The following HOOK1 variants were observed in gnomAD, a reference collection of about 807,000 sequenced individuals.
The protein encoded by HOOK1 is protein Hook homolog 1.
A neutral mutation model predicts 112.8 loss-of-function variants in HOOK1; 60 were observed. That is an observed-to-expected ratio of 0.53 (90% CI 0.43 to 0.66). The LOEUF (loss-of-function observed/expected upper bound fraction) is 0.66, where lower values mean the gene tolerates loss of function less well. Ranked by LOEUF, HOOK1 falls within the 30% of genes least tolerant of loss-of-function variation. HOOK1 has a pLI of 0.00. For synonymous variants in HOOK1, 294 were observed against 283.8 expected (o/e 1.04, Z -0.36); for missense variants, 770 against 856.0 (o/e 0.90, Z 1.25).
Position 59,832,070 on chromosome 1 carries a change from A to T in HOOK1, c.223-93A>T. 1 of 661,670 alleles carries T rather than the reference A, an allele frequency of 1.5e-6. No homozygotes were observed. Among genetic ancestry groups the T allele is most frequent in the Non-Finnish European group, 2.6e-6 (1 of 386,360 alleles). 41.0% of individuals were successfully genotyped at this position (661,670 alleles called of 1,614,324 possible). A position where few individuals can be genotyped will look rare whatever the true frequency, so the allele number is the denominator to read the frequency against. The stretch of plus-strand genomic sequence containing the variant: ...TTATAATGTTTTTGTTGTTCTTTTT[A>T]ATTAGGGGAAAGTTTTTATTGTCTT... On this transcript the variant is annotated intron_variant, in intron 3 of 21. Coordinates refer to ENST00000371208, the MANE Select transcript of HOOK1 (RefSeq NM_015888.6).
At position 59,843,418 on chromosome 1, in the gene HOOK1, T is replaced by G. The variant is rs1351416407; in HGVS notation, c.622-14T>G. 9.5e-6 allele frequency: 15 copies of G among 1,584,782 alleles called. No homozygotes were observed. Among genetic ancestry groups the G allele is most frequent in the Admixed American group, 3.5e-5 (2 of 56,518 alleles). On this transcript the variant is annotated splice_polypyrimidine_tract_variant and intron_variant, in intron 8 of 21. Coordinates refer to ENST00000371208, the MANE Select transcript of HOOK1 (RefSeq NM_015888.6). ...TTTTCTACTGGTGCTTATGTATGTG[T>G]ATTTGTTTCTTAGGTGACTACACTT...
At chr1:59,849,313 A>C (rs2098405862) in intron 12 of HOOK1, 130 bp downstream of exon 12, 1 of 536,660 alleles carries the variant, frequency 1.9e-6, no homozygotes, top group African/African-American at 2.0e-5. Flanking sequence ...TTGACATAAA[A>C]GTGTCTTGTA....
intron 19 of HOOK1, 146 bp from the exon 20 acceptor site, chr1:59,868,104 T>A: frequency 1.8e-6 from 1 of 568,234 alleles, no homozygotes; most frequent in Non-Finnish European, 3.2e-6. Context: ...TTATCCCAAT[T>A]AGGATTGTAA....
At chr1:59,851,377 A>G (rs957291042) in intron 12 of HOOK1, among the ~76,000 whole-genome samples, 2 of 151,642 alleles carry the variant, frequency 1.3e-5, no homozygotes, top group South Asian at 4.1e-4. Flanking sequence ...AGTGTGCAAG[A>G]CTAGCACCTT....
At position 59,830,924 on chromosome 1, in the gene HOOK1, A is replaced by G. The variant is rs1479278190; in HGVS notation, c.223-1239A>G. ...AGTTTTTTTTTTTTTTTCCTGAGAC[A>G]GAATTTCGCTCTTACGCCCAGCCTG... On this transcript the variant is annotated intron_variant, in intron 3 of 21. Transcript: ENST00000371208. Among the ~76,000 whole-genome samples, 3 of 147,874 alleles carry G rather than the reference A, an allele frequency of 2.0e-5. No individual in the cohort carries two copies. In the Admixed American group the frequency reaches 2.0e-4, roughly 10 times the overall value.
At chr1:59,854,998 G>C (rs753968158) in intron 12 of HOOK1, among the ~76,000 whole-genome samples, 1 of 152,194 alleles carries the variant, frequency 6.6e-6, no homozygotes, top group Non-Finnish European at 1.5e-5. Flanking sequence ...CCTAATGGAC[G>C]ACAACAAGCA....
intron 1 of HOOK1, among the ~76,000 whole-genome samples, chr1:59,819,138 ATTTTTTTTTTTTTTTTT>A (rs60936378): frequency 2.6e-5 from 2 of 76,542 alleles, no homozygotes; most frequent in Non-Finnish European, 4.6e-5. Flanking sequence ...CCCAATAAGC[ATTTTTTTTTTTTTTTTT>A]TTTTTTTTTT....
chr1:59,848,382 C>G lies in HOOK1; in HGVS notation c.997C>G (p.Leu333Val), dbSNP rs568889248. The change falls in exon 11 of 22, where the codon CTG becomes GTG. Residue 333 changes from leucine (L) to valine (V), a missense_variant. By Grantham distance (32) the Leu-to-Val change is conservative. This residue lies in a region of HOOK1 where 655 missense variants were observed against 725.9 expected (regional missense o/e 0.90). Transcript: ENST00000371208. ...VEIYRQKLQD[L>V]NDLRKQVKTL... is the part of the protein sequence containing the mutation. ...GATATATCGTCAGAAGCTACAAGAT[C>G]TGAATGACCTTCGCAAGCAGGTGAA... 1 of 1,611,314 alleles carries G rather than the reference C, an allele frequency of 6.2e-7. No homozygotes were observed. The highest frequency in any genetic ancestry group is 8.5e-7 in the Non-Finnish European group (1 of 1,178,122).
chr1:59,835,544 T>G, intron 6 of HOOK1, 132 bp downstream of exon 6: 1 of 580,006 alleles, frequency 1.7e-6, no homozygotes, highest in Non-Finnish European at 3.1e-6. Context: ...CTAGTGGGTC[T>G]TCCTTTTTTA....
chr1:59,827,023 C>A (rs571197260), intron 2 of HOOK1, among the ~76,000 whole-genome samples: 2 of 152,162 alleles, frequency 1.3e-5, no homozygotes, highest in African/African-American at 4.8e-5. Flanking sequence ...CCTCGGCCCC[C>A]CAAAGCGCTG....
At chr1:59,822,249 TTAA>T (rs764213619) in intron 2 of HOOK1, among the ~76,000 whole-genome samples, 4 of 152,238 alleles carry the variant, frequency 2.6e-5, no homozygotes, top group Non-Finnish European at 5.9e-5. Flanking sequence ...AAGAAACAAG[TTAA>T]TGATACAATT....
intron 1 of HOOK1, among the ~76,000 whole-genome samples, chr1:59,820,334 C>T (rs1275062566): frequency 3.9e-5 from 6 of 152,174 alleles, no homozygotes; most frequent in Non-Finnish European, 7.3e-5. Flanking sequence ...AGAAACTACT[C>T]TACTGTTTCT....
At chr1:59,852,677 G>GGAACACAAATAAT (rs1553463645) in intron 12 of HOOK1, among the ~76,000 whole-genome samples, 2 of 150,946 alleles carry the variant, frequency 1.3e-5, no homozygotes, top group African/African-American at 4.9e-5. Context: ...CATTGGTAAA[G>GGAACACAAATAAT]GAACACAAAT....
chr1:59,842,198 G>C (rs2098401380), intron 8 of HOOK1, among the ~76,000 whole-genome samples: 1 of 152,046 alleles, frequency 6.6e-6, no homozygotes, highest in Admixed American at 6.6e-5. Context: ...CTACACTCAA[G>C]CTAGAATGAG....
chr1:59,830,322 T>C (rs557269323), intron 3 of HOOK1, among the ~76,000 whole-genome samples: 1 of 152,288 alleles, frequency 6.6e-6, no homozygotes, highest in Admixed American at 6.5e-5. Context: ...TTCGATTTTG[T>C]TGATTTCTCC....
At chr1:59,819,403 G>A (rs1232455749) in intron 1 of HOOK1, among the ~76,000 whole-genome samples, 1 of 152,020 alleles carries the variant, frequency 6.6e-6, no homozygotes, top group Non-Finnish European at 1.5e-5. Context: ...ACCTGCCTCG[G>A]CCTCCCAAAG....
intron 20 of HOOK1, 153 bp from the exon 21 acceptor site, chr1:59,870,889 G>A (rs1644045323): frequency 1.7e-6 from 1 of 579,940 alleles, no homozygotes; most frequent in Non-Finnish European, 3.1e-6. Flanking sequence ...GCATGCATTT[G>A]TGCTTGATTC....
chr1:59,847,283 T>C (rs960054522), intron 10 of HOOK1, 98 bp downstream of exon 10: 8 of 1,050,408 alleles, frequency 7.6e-6, no homozygotes, highest in African/African-American at 4.9e-5. Context: ...GGATTATTCC[T>C]GTATATCAAG....
At chr1:59,835,457 A>C in intron 6 of HOOK1, 45 bp downstream of exon 6, 1 of 1,087,994 alleles carries the variant, frequency 9.2e-7, no homozygotes, top group Non-Finnish European at 1.4e-6. Flanking sequence ...CCTAAACCAA[A>C]TTATACAAAA....
Sources: allele counts gnomAD v4.1 joint callset (sites outside exome capture counted in the v4.1 genomes callset), GRCh38; gene constraint gnomAD v4.1.1; regional missense constraint gnomAD v4.1.1; transcripts MANE v1.5; gene names NCBI Gene and HGNC (gene_info 2026-07-23, HGNC 2026-07-21).